Variants in RASAL2 observed in about 807,000 individuals in gnomAD.
The protein encoded by RASAL2 is RAS protein activator like 2.
RASAL2 carries 58 observed loss-of-function variants against 128.9 expected under a neutral mutation model. The observed-to-expected ratio is 0.45, with a 90% CI of 0.36 to 0.56. The LOEUF (loss-of-function observed/expected upper bound fraction) is 0.56. Ranked by LOEUF, RASAL2 falls within the 20% of genes least tolerant of loss-of-function variation. The pLI is 0.00. For synonymous variants in RASAL2, 561 were observed against 580.8 expected (o/e 0.97, Z 0.49); for missense variants, 1,360 against 1,601.6 (o/e 0.85, Z 2.57).
At chr1:178,270,129 G>T (rs918430466) in intron 1 of RASAL2, among the ~76,000 whole-genome samples, 2 of 152,072 alleles carry the variant, frequency 1.3e-5, no homozygotes, top group Admixed American at 1.3e-4. Context: ...TTGCTTTTGA[G>T]AAGTCCAGAT....
intron 3 of RASAL2, chr1:178,372,258 C>G: frequency 1.0e-6 from 1 of 985,240 alleles, no homozygotes; most frequent in Non-Finnish European, 1.2e-6. Context: ...TCCTTTCCCC[C>G]GGTGATGTGG....
At chr1:178,267,068 T>C (rs1665991385) in intron 1 of RASAL2, among the ~76,000 whole-genome samples, 1 of 152,166 alleles carries the variant, frequency 6.6e-6, no homozygotes, top group Admixed American at 6.5e-5. Context: ...ACAAAAACTT[T>C]CCAAGGACCC....
chr1:178,208,139 A>G (rs1453271239), intron 1 of RASAL2, among the ~76,000 whole-genome samples: 2 of 152,246 alleles, frequency 1.3e-5, no homozygotes, highest in Non-Finnish European at 2.9e-5. Context: ...GTGTTTGAAC[A>G]ATATGAAATC....
chr1:178,236,678 A>G (rs1485976043), intron 1 of RASAL2, among the ~76,000 whole-genome samples: 2 of 152,002 alleles, frequency 1.3e-5, no homozygotes, highest in East Asian at 3.9e-4. Context: ...TTAGGGTATA[A>G]CTTGCACAAA....
chr1:178,170,025 T>A (rs1478750342), intron 1 of RASAL2, among the ~76,000 whole-genome samples: 1 of 152,030 alleles, frequency 6.6e-6, no homozygotes, highest in Non-Finnish European at 1.5e-5. Flanking sequence ...TCCTTCTCTA[T>A]CCTCCCCATT....
chr1:178,223,328 G>A (rs1162629113), intron 1 of RASAL2, among the ~76,000 whole-genome samples: 1 of 152,172 alleles, frequency 6.6e-6, no homozygotes, highest in Non-Finnish European at 1.5e-5. Context: ...GTAATAGGGA[G>A]ATTTGACCTG....
intron 1 of RASAL2, among the ~76,000 whole-genome samples, chr1:178,141,988 A>T (rs559991928): frequency 6.6e-6 from 1 of 152,120 alleles, no homozygotes; most frequent in Non-Finnish European, 1.5e-5. Context: ...AGCTACTGGT[A>T]GTACAGCAGC....
Position 178,168,958 on chromosome 1 carries a change from T to C in RASAL2, c.202+74264T>C, listed in dbSNP as rs561228989. 4.6e-5 allele frequency among the ~76,000 whole-genome samples: 7 copies of C among 152,248 alleles called. No individual in the cohort carries two copies. In the South Asian group the frequency reaches 1.0e-3, roughly 23 times the overall value. ...CATTTTTTAACTGCAAAACTGTTTT[T>C]ATGTAACATTGAAGATGTCCCGGAC... On this transcript the variant is annotated intron_variant, in intron 1 of 17. Coordinates refer to ENST00000367649, the MANE Select transcript of RASAL2 (RefSeq NM_170692.4).
rs190467084 is a variant in RASAL2, at chr1:178,375,264, G to T, written c.458-14836G>T. Among the ~76,000 whole-genome samples, 159 of 152,118 alleles carry T rather than the reference G, an allele frequency of 1.0e-3. 2 individuals carry two copies. Among genetic ancestry groups the T allele is most frequent in the Non-Finnish European group, 8.8e-5 (6 of 67,972 alleles). On this transcript the variant is annotated intron_variant, in intron 3 of 17. Transcript: ENST00000367649. ...AGCAAACTGTCTTGAAAAGAACGCA[G>T]AATTCATGTAAAGAAGTAATGAGAG... is the stretch of plus-strand genomic sequence containing the variant.
intron 1 of RASAL2, among the ~76,000 whole-genome samples, chr1:178,238,525 C>A (rs536949229): frequency 1.6e-4 from 25 of 152,142 alleles, no homozygotes; most frequent in African/African-American, 6.0e-4. Context: ...GTTATCTGAA[C>A]ATGTAATGGT....
chr1:178,471,196 T>C lies in RASAL2; in HGVS notation c.3679-1879T>C, dbSNP rs72707034. 9.5e-3 allele frequency among the ~76,000 whole-genome samples: 1,443 copies of C among 152,274 alleles called. 16 individuals carry two copies. The highest frequency in any genetic ancestry group is 0.013 in the Non-Finnish European group (905 of 68,024). On this transcript the variant is annotated intron_variant, in intron 17 of 17. Coordinates refer to ENST00000367649, the MANE Select transcript of RASAL2 (RefSeq NM_170692.4). The stretch of plus-strand genomic sequence containing the variant: ...ATGAGGCCTTATAATTTATCCCAGT[T>C]CTGAAATATCTTTTCTTTAATCGTT...
chr1:178,428,704 C>T (rs1675687999), intron 5 of RASAL2, among the ~76,000 whole-genome samples: 1 of 152,002 alleles, frequency 6.6e-6, no homozygotes, highest in African/African-American at 2.4e-5. Context: ...ATCCTCCTGC[C>T]TTAGCCTCCT....
intron 1 of RASAL2, among the ~76,000 whole-genome samples, chr1:178,174,635 A>T (rs1433727998): frequency 6.6e-6 from 1 of 152,146 alleles, no homozygotes; most frequent in African/African-American, 2.4e-5. Context: ...AATGTTGGAG[A>T]TGAGTTATTA....
At chr1:178,418,723 C>A (rs1674941256) in intron 4 of RASAL2, among the ~76,000 whole-genome samples, 2 of 152,180 alleles carry the variant, frequency 1.3e-5, no homozygotes, top group South Asian at 4.1e-4. Flanking sequence ...CAAATATTTT[C>A]AGTTCCCTTT....
chr1:178,295,347 T>C (rs1667445529), intron 2 of RASAL2, among the ~76,000 whole-genome samples: 1 of 151,896 alleles, frequency 6.6e-6, no homozygotes, highest in South Asian at 2.1e-4. Context: ...TATTGACCTG[T>C]CCTCTAAGTT....
intron 1 of RASAL2, among the ~76,000 whole-genome samples, chr1:178,187,058 C>T (rs1662328596): frequency 6.6e-6 from 1 of 151,942 alleles, no homozygotes; most frequent in Admixed American, 6.6e-5. Context: ...GAACTCCTGG[C>T]CTAAAGCAAT....
In RASAL2 at chr1:178,432,468, C is replaced by T. The variant is rs571780353; in HGVS notation, c.675-6954C>T. ...TCAGTGTCTTTTGTCAGTTTTGTAG[C>T]TTTAAATGTTAACATGCCTCAGGTT... On this transcript the variant is annotated intron_variant, in intron 5 of 17. Transcript: ENST00000367649. 5.9e-5 allele frequency among the ~76,000 whole-genome samples: 9 copies of T among 152,158 alleles called. No individual in the cohort carries two copies. The East Asian group carries it at 1.7e-3, about 29-fold the overall frequency.
At chr1:178,294,812 A>G (rs569494247) in intron 2 of RASAL2, among the ~76,000 whole-genome samples, 2 of 152,324 alleles carry the variant, frequency 1.3e-5, no homozygotes, top group East Asian at 3.9e-4. Flanking sequence ...GAGGCACAGA[A>G]CAGAATTTTG....
At chr1:178,449,246 A>C (rs112736795) in intron 9 of RASAL2, among the ~76,000 whole-genome samples, 8 of 152,252 alleles carry the variant, frequency 5.3e-5, no homozygotes, top group Admixed American at 3.3e-4. Flanking sequence ...TTAGACTTGA[A>C]TCTTCCATCT....
Sources: gnomAD v4.1 joint callset for allele counts (sites outside exome capture counted in the v4.1 genomes callset) on GRCh38, gnomAD v4.1.1 for gene constraint, MANE v1.5 for transcripts, NCBI Gene and HGNC (gene_info 2026-07-23, HGNC 2026-07-21) for gene names.